The following TMEM168 variants were observed in gnomAD, a reference collection of about 807,000 sequenced individuals.
The protein encoded by TMEM168 is transmembrane protein 168.
TMEM168 carries 40 observed loss-of-function variants against 53.2 expected under a neutral mutation model. The observed-to-expected ratio is 0.75, with a 90% confidence interval of 0.58 to 0.98. The LOEUF is 0.98. TMEM168 is among the 50% of genes least tolerant of loss of function. The probability of loss-of-function intolerance (pLI) is 0.00; values close to 1 mark genes in which losing one functional copy is unlikely to be tolerated. For missense variants in TMEM168, 771 were observed against 828.8 expected (o/e 0.93, Z 0.86); for synonymous variants, 282 against 293.0 (o/e 0.96, Z 0.38).
At chr7:112,773,478 T>C (rs570608818) in intron 3 of TMEM168, among the ~76,000 whole-genome samples, 9 of 152,216 alleles carry the variant, frequency 5.9e-5, no homozygotes, top group Non-Finnish European at 1.2e-4. Context: ...ATTTTAATTA[T>C]ATATTTACTT....
At chr7:112,778,068 G>GC (rs2116270110) in intron 2 of TMEM168, among the ~76,000 whole-genome samples, 1 of 152,136 alleles carries the variant, frequency 6.6e-6, no homozygotes, top group South Asian at 2.1e-4. Context: ...CGGACATTAC[G>GC]AGTCTACATA....
In TMEM168 at chr7:112,767,580, A is replaced by G. The variant is rs200760608; in HGVS notation, c.1711T>C (p.Leu571=). Residue 571 remains leucine, a synonymous_variant, in exon 5 of 5, where the codon TTG becomes CTG. Transcript: ENST00000312814. ...DQYIAVQGAE[L]IKTVDIEEAD... ...TCTTCAATATCTACTGTTTTTATCA[A>G]CTCTGCTCCTTGCACTGCAATATAC... 393 of 1,613,888 alleles carry G rather than the reference A, an allele frequency of 2.4e-4. 2 individuals are homozygous for G. The highest frequency in any genetic ancestry group is 1.9e-3 in the Admixed American group (111 of 59,988).
intron 4 of TMEM168, 132 bp downstream of exon 4, chr7:112,772,649 A>G (rs1429039532): frequency 1.9e-6 from 2 of 1,060,358 alleles, no homozygotes; most frequent in Non-Finnish European, 2.7e-6. Flanking sequence ...GAGCAAAGAA[A>G]AACAAATTAG....
rs769127393 is a variant in TMEM168, at chr7:112,784,395, G to A, written c.431C>T (p.Ser144Phe). Residue 144 changes from serine to phenylalanine, a missense_variant, in exon 2 of 5, where the codon TCT becomes TTT. By Grantham distance (155) the Ser-to-Phe change is radical. Coordinates refer to ENST00000312814, the MANE Select transcript of TMEM168 (RefSeq NM_022484.6). Reference sequence around the variant, plus strand: ...AGTGGGCCGATGACGGACATAACCAGAAATTCTCTCCACCAGAGAGCACAA... The same window carrying A: ...AGTGGGCCGATGACGGACATAACCAAAAATTCTCTCCACCAGAGAGCACAA... ...RILCSLVERISGYVRHRPTLL... is the reference protein window; with the variant it reads ...RILCSLVERIFGYVRHRPTLL... 4 of 1,614,110 alleles carry A rather than the reference G, an allele frequency of 2.5e-6. No individual in the cohort carries two copies. The South Asian group carries it at 4.4e-5, about 18-fold the overall frequency.
At position 112,787,663 on chromosome 7, in the gene TMEM168, C is replaced by T. The variant is rs192321276; in HGVS notation, c.-129+2497G>A. Among the ~76,000 whole-genome samples, 23 of 150,702 alleles carry T rather than the reference C, an allele frequency of 1.5e-4. No individual in the cohort carries two copies. In the East Asian group the frequency reaches 4.5e-3, roughly 29 times the overall value. On this transcript the variant is annotated intron_variant, in intron 1 of 4. Coordinates refer to ENST00000312814, the MANE Select transcript of TMEM168 (RefSeq NM_022484.6). ...CTCCTGACCTCAGGTGATCCACCCG[C>T]CTCGCCTCCCAAAGTTCTGGGATTA... is the stretch of plus-strand genomic sequence containing the variant.
At position 112,767,655 on chromosome 7, in the gene TMEM168, T is replaced by G; in HGVS notation, c.1636A>C (p.Ser546Arg). Residue 546 changes from serine (S) to arginine (R), a missense_variant, in exon 5 of 5, where the codon AGC (serine) becomes CGC (arginine). Physicochemically the swap from Ser to Arg is moderately radical, Grantham distance 110. Transcript: ENST00000312814. ...FCSRLIIVLDSENSTPWVKEV... is the reference protein window; with the variant it reads ...FCSRLIIVLDRENSTPWVKEV... ...TTCACCCAAGGGGTTGAATTTTCGC[T>G]GTCTAATACGATAATAAGCCGGGAA... The G allele has an allele frequency of 6.2e-7, 1 of 1,614,060 alleles. No individual in the cohort carries two copies. The highest frequency in any genetic ancestry group is 8.5e-7 in the Non-Finnish European group (1 of 1,179,990).
In TMEM168 at chr7:112,767,260, T is replaced by C. The variant is rs780535579; in HGVS notation, c.2031A>G (p.Lys677=). 4.3e-6 allele frequency: 7 copies of C among 1,613,960 alleles called. No homozygotes were observed. Among genetic ancestry groups the C allele is most frequent in the Non-Finnish European group, 5.1e-6 (6 of 1,180,006 alleles). Reference sequence around the variant, plus strand: ...GCACAGTAGGAAGAAACCAACTCATTTTTAATCTTTTCAAGCACCTAAAAC... The same window carrying C: ...GCACAGTAGGAAGAAACCAACTCATCTTTAATCTTTTCAAGCACCTAAAAC... The part of the protein sequence containing the change: ...KTCFRCLKRL[K]MSWFLPTVLD... The change falls in exon 5 of 5, where the codon AAA becomes AAG. Residue 677 remains lysine, a synonymous_variant. Coordinates refer to ENST00000312814, the MANE Select transcript of TMEM168 (RefSeq NM_022484.6).
At chr7:112,777,361 T>A (rs549081089) in intron 2 of TMEM168, among the ~76,000 whole-genome samples, 1 of 152,324 alleles carries the variant, frequency 6.6e-6, no homozygotes, top group South Asian at 2.1e-4. Flanking sequence ...ACTGAAAATA[T>A]CAACCACTCC....
intron 2 of TMEM168, among the ~76,000 whole-genome samples, chr7:112,777,439 T>C (rs1793114575): frequency 1.3e-5 from 2 of 152,156 alleles, no homozygotes; most frequent in African/African-American, 4.8e-5. Context: ...TTCTGTTCTG[T>C]TGTTCTATTT....
chr7:112,763,064 A>G lies in TMEM168; in HGVS notation c.*4133T>C, dbSNP rs543992598. ...TGGTAAATTTCCAATCTGTCTAGAT[A>G]TAATAGTGAGGAAATGAATGATTCA... On this transcript the variant is annotated 3_prime_UTR_variant, in exon 5 of 5. Coordinates refer to ENST00000312814, the MANE Select transcript of TMEM168 (RefSeq NM_022484.6). 3 of 152,196 alleles carry G rather than the reference A, an allele frequency of 2.0e-5. No individual in the cohort carries two copies. Among genetic ancestry groups the G allele is most frequent in the East Asian group, 1.9e-4 (1 of 5,182 alleles). The allele number at this position is 152,196 out of a possible 1,614,324, so 9.4% of individuals were successfully genotyped here. A position where few individuals can be genotyped will look rare whatever the true frequency, so the allele number is the denominator to read the frequency against.
At chr7:112,781,531 G>T (rs1001579597) in intron 2 of TMEM168, among the ~76,000 whole-genome samples, 7 of 152,004 alleles carry the variant, frequency 4.6e-5, no homozygotes, top group African/African-American at 9.7e-5. Flanking sequence ...CTCACCAGAT[G>T]GCATAGTGCT....
At position 112,767,385 on chromosome 7, in the gene TMEM168, C is replaced by T; in HGVS notation, c.1906G>A (p.Ala636Thr). ...GGAAAGTGTAACATCCAGTGCTTGG[C>T]CACATCGCTTCCCGTTGGCAAATGC... ...TLHLPTGSDVAKHWMLHFPRI... is the reference protein window; with the variant it reads ...TLHLPTGSDVTKHWMLHFPRI... Residue 636 changes from alanine (A) to threonine (T), a missense_variant, in exon 5 of 5, where the codon GCC becomes ACC. By Grantham distance (58) the Ala-to-Thr change is moderately conservative (BLOSUM62 0). Coordinates refer to ENST00000312814, the MANE Select transcript of TMEM168 (RefSeq NM_022484.6). 6.2e-7 allele frequency: 1 copy of T among 1,614,140 alleles called. No homozygotes were observed. The highest frequency in any genetic ancestry group is 8.5e-7 in the Non-Finnish European group (1 of 1,180,014).
intron 4 of TMEM168, among the ~76,000 whole-genome samples, chr7:112,771,089 C>T (rs904259662): frequency 6.6e-6 from 1 of 152,122 alleles, no homozygotes; most frequent in African/African-American, 2.4e-5. Flanking sequence ...TAAAAAGATG[C>T]TTTCTACGTT....
At chr7:112,779,818 T>G (rs1198910403) in intron 2 of TMEM168, among the ~76,000 whole-genome samples, 1 of 152,242 alleles carries the variant, frequency 6.6e-6, no homozygotes, top group South Asian at 2.1e-4. Flanking sequence ...ATGTCATTTT[T>G]AAAATGTAAC....
At position 112,767,230 on chromosome 7, in the gene TMEM168, G is replaced by A; in HGVS notation, c.2061C>T (p.Asp687=). The A allele has an allele frequency of 3.7e-6, 6 of 1,613,980 alleles. No homozygotes were observed. Among genetic ancestry groups the A allele is most frequent in the Non-Finnish European group, 5.1e-6 (6 of 1,179,940 alleles). The part of the protein sequence containing the change: ...KMSWFLPTVL[D]TGQGFKLVKS ...TGACAAGTTTGAAGCCTTGTCCTGTGTCCAGCACAGTAGGAAGAAACCAAC... is the reference window on the plus strand; with the variant it reads ...TGACAAGTTTGAAGCCTTGTCCTGTATCCAGCACAGTAGGAAGAAACCAAC... Residue 687 remains aspartate, a synonymous_variant, in exon 5 of 5, where the codon GAC becomes GAT. Coordinates refer to ENST00000312814, the MANE Select transcript of TMEM168 (RefSeq NM_022484.6).
intron 2 of TMEM168, among the ~76,000 whole-genome samples, chr7:112,775,907 T>C (rs1271323946): frequency 4.0e-5 from 6 of 151,150 alleles, no homozygotes; most frequent in Non-Finnish European, 4.4e-5. Context: ...GAAGAAAATA[T>C]TGAGGACACG....
chr7:112,771,097 G>A (rs565975153), intron 4 of TMEM168, among the ~76,000 whole-genome samples: 3 of 152,226 alleles, frequency 2.0e-5, no homozygotes, highest in East Asian at 1.9e-4. Flanking sequence ...TGCTTTCTAC[G>A]TTGTAATTAA....
intron 1 of TMEM168, chr7:112,788,364 G>A (rs1228453798): frequency 6.6e-6 from 1 of 152,058 alleles, no homozygotes; most frequent in African/African-American, 2.4e-5. Flanking sequence ...GTTAACAGAG[G>A]TAAATACCTG....
In TMEM168 at chr7:112,784,228, AG is replaced by A; in HGVS notation, c.597del (p.Leu200Ter). ...MLIIDLRMKS[F>X]LAIPNLVIFA... ...AAAATAACTAAGTTTGGAATAGCTA[AG>A]AAAGATTTCATTCTCAGATCAATAA... On this transcript the variant is annotated frameshift_variant, in exon 2 of 5. Transcript: ENST00000312814. LOFTEE classifies it high-confidence loss of function. 1 of 1,613,868 alleles carries A rather than the reference AG, an allele frequency of 6.2e-7. No homozygotes were observed. Among genetic ancestry groups the A allele is most frequent in the Non-Finnish European group, 8.5e-7 (1 of 1,179,962 alleles).
Sources: allele counts gnomAD v4.1 joint callset (sites outside exome capture counted in the v4.1 genomes callset), GRCh38; gene constraint gnomAD v4.1.1; transcripts MANE v1.5; gene names NCBI Gene and HGNC (gene_info 2026-07-23, HGNC 2026-07-21).